ATP8A2: variants seen among roughly 807,000 people sequenced by gnomAD.
ATP8A2 encodes phospholipid-transporting ATPase IB.
A neutral mutation model predicts 165.6 loss-of-function variants in ATP8A2; 100 were observed. The observed-to-expected ratio is 0.60, with a 90% CI of 0.51 to 0.71. ATP8A2 has a LOEUF of 0.71. Ranked by LOEUF, ATP8A2 falls within the 30% of genes least tolerant of loss-of-function variation. The pLI, the probability that ATP8A2 is intolerant of heterozygous loss-of-function variation, is 0.00. For synonymous variants in ATP8A2, 543 were observed against 548.8 expected (o/e 0.99, Z 0.15); for missense variants, 1,227 against 1,479.5 (o/e 0.83, Z 2.80).
At chr13:25,497,281 C>CT (rs972377140) in intron 2 of ATP8A2, among the ~76,000 whole-genome samples, 2 of 152,138 alleles carry the variant, frequency 1.3e-5, no homozygotes, top group Non-Finnish European at 2.9e-5. Flanking sequence ...ATATTTTACT[C>CT]TAACACATTT....
intron 10 of ATP8A2, among the ~76,000 whole-genome samples, chr13:25,543,616 G>C (rs1167564481): frequency 2.0e-5 from 3 of 152,114 alleles, no homozygotes; most frequent in African/African-American, 7.2e-5. Flanking sequence ...ACTACAAATG[G>C]TCTTTGTTTT....
intron 33 of ATP8A2, among the ~76,000 whole-genome samples, chr13:25,877,583 C>T (rs1331752290): frequency 6.6e-6 from 1 of 152,118 alleles, no homozygotes; most frequent in East Asian, 1.9e-4. Context: ...CCTGGTCCTC[C>T]CCCCGACCCC....
chr13:25,897,956 T>G (rs930279736), intron 33 of ATP8A2, among the ~76,000 whole-genome samples: 3 of 152,222 alleles, frequency 2.0e-5, no homozygotes, highest in African/African-American at 7.2e-5. Context: ...TTCAAAGTTT[T>G]TAACTTCTTT....
intron 1 of ATP8A2, 50 bp from the exon 2 acceptor site, chr13:25,468,916 CCTCCCGCCTGG>C: frequency 6.3e-7 from 1 of 1,582,782 alleles, no homozygotes; most frequent in African/African-American, 1.4e-5. Context: ...GCGCTCGCAG[CCTCCCGCCTGG>C]CGGTTGACTT....
chr13:25,405,880 C>T (rs995803811), intron 1 of ATP8A2, among the ~76,000 whole-genome samples: 1 of 152,270 alleles, frequency 6.6e-6, no homozygotes, highest in African/African-American at 2.4e-5. Context: ...ACAGCCTTCT[C>T]TGCTTCCCCT....
chr13:25,525,331 G>A (rs2037809142), intron 2 of ATP8A2, among the ~76,000 whole-genome samples: 1 of 152,064 alleles, frequency 6.6e-6, no homozygotes, highest in Non-Finnish European at 1.5e-5. Flanking sequence ...GTTATGAGTG[G>A]ATTGCACACC....
intron 2 of ATP8A2, among the ~76,000 whole-genome samples, chr13:25,515,268 T>A (rs1483496439): frequency 6.6e-6 from 1 of 152,258 alleles, no homozygotes; most frequent in Non-Finnish European, 1.5e-5. Flanking sequence ...TGTTGGAGTT[T>A]GCCAGACTCC....
intron 2 of ATP8A2, among the ~76,000 whole-genome samples, chr13:25,487,892 G>A (rs1178116568): frequency 1.3e-5 from 2 of 151,858 alleles, no homozygotes; most frequent in Admixed American, 1.3e-4. Flanking sequence ...ATTAGCTATA[G>A]TATAAGGAAC....
At chr13:25,558,163 A>G (rs2039036871) in intron 13 of ATP8A2, among the ~76,000 whole-genome samples, 1 of 152,130 alleles carries the variant, frequency 6.6e-6, no homozygotes, top group African/African-American at 2.4e-5. Flanking sequence ...TGGCCTTCCA[A>G]AGTGCTGGGA....
chr13:26,015,293 C>T (rs1956943534), intron 36 of ATP8A2, among the ~76,000 whole-genome samples: 1 of 152,108 alleles, frequency 6.6e-6, no homozygotes, highest in South Asian at 2.1e-4. Context: ...AGAGCTGGTC[C>T]TGGGGTGCAG....
chr13:25,824,233 A>G (rs1054057734), intron 27 of ATP8A2, among the ~76,000 whole-genome samples: 2 of 152,166 alleles, frequency 1.3e-5, no homozygotes, highest in African/African-American at 4.8e-5. Context: ...TGGCCTCCCA[A>G]AGTGCTGGGA....
At chr13:25,475,320 C>G (rs938377542) in intron 2 of ATP8A2, among the ~76,000 whole-genome samples, 15 of 152,202 alleles carry the variant, frequency 9.9e-5, no homozygotes, top group African/African-American at 3.6e-4. Context: ...TGGTCTCCCC[C>G]TCATTCCACA....
intron 33 of ATP8A2, among the ~76,000 whole-genome samples, chr13:25,898,036 G>A (rs984285380): frequency 7.9e-5 from 12 of 152,060 alleles, no homozygotes; most frequent in Non-Finnish European, 1.5e-4. Context: ...CTCTCAACTC[G>A]TCAAAGTCAT....
intron 24 of ATP8A2, among the ~76,000 whole-genome samples, chr13:25,671,946 G>A (rs1161816183): frequency 6.6e-6 from 1 of 152,164 alleles, no homozygotes; most frequent in African/African-American, 2.4e-5. Flanking sequence ...ACCGACGTGT[G>A]ATGTCTCCCC....
At chr13:25,757,402 G>A (rs2044285716) in intron 25 of ATP8A2, among the ~76,000 whole-genome samples, 1 of 152,178 alleles carries the variant, frequency 6.6e-6, no homozygotes, top group Non-Finnish European at 1.5e-5. Context: ...CTAAGTGGAT[G>A]GCAGGTCATT....
intron 1 of ATP8A2, among the ~76,000 whole-genome samples, chr13:25,427,019 G>C (rs757460033): frequency 6.6e-6 from 1 of 152,116 alleles, no homozygotes; most frequent in East Asian, 1.9e-4. Flanking sequence ...AAACACCAGC[G>C]CAAGATGTTA....
chr13:25,661,992 ATTAAC>A lies in ATP8A2; in HGVS notation c.2212-37176_2212-37172del, dbSNP rs796306247. Among the ~76,000 whole-genome samples, 184 of 152,272 alleles carry A rather than the reference ATTAAC, an allele frequency of 1.2e-3. 1 individual carries two copies. Among genetic ancestry groups the A allele is most frequent in the African/African-American group, 4.2e-3 (174 of 41,552 alleles). ...ACACTAGAGACAGCATTAGGTAGTG[ATTAAC>A]TTAAGAATTCTGAAGTGTGATTGCC... On this transcript the variant is annotated intron_variant, in intron 24 of 36. Coordinates refer to ENST00000381655, the MANE Select transcript of ATP8A2 (RefSeq NM_016529.6).
rs1431906906 is a variant in ATP8A2, at chr13:25,796,593, C to CTT, written c.2679+21635_2679+21636dup. 1.3e-4 allele frequency among the ~76,000 whole-genome samples: 20 copies of CTT among 152,276 alleles called. 1 individual carries two copies. The South Asian group carries it at 3.9e-3, about 30-fold the overall frequency. ...TCCAAACAGGAGAGAACAGGCCTAG[C>CTT]TTCCTAAAGGACTGTCTCAGATCTT... On this transcript the variant is annotated intron_variant, in intron 27 of 36. Coordinates refer to ENST00000381655, the MANE Select transcript of ATP8A2 (RefSeq NM_016529.6).
chr13:25,850,969 G>A (rs984554221), intron 30 of ATP8A2, among the ~76,000 whole-genome samples: 20 of 152,216 alleles, frequency 1.3e-4, no homozygotes, highest in African/African-American at 4.8e-4. Flanking sequence ...CCTACAGGGT[G>A]TGCAGGGTGA....
Sources: allele counts gnomAD v4.1 joint callset (sites outside exome capture counted in the v4.1 genomes callset), GRCh38; gene constraint gnomAD v4.1.1; transcripts MANE v1.5; gene names NCBI Gene and HGNC (gene_info 2026-07-23, HGNC 2026-07-21).